The following ZC3H13 variants were observed in gnomAD, a reference collection of about 807,000 sequenced individuals.
ZC3H13 encodes zinc finger CCCH domain-containing protein 13.
In ZC3H13, 64 loss-of-function variants were observed where a neutral mutation model predicts 204.1. The observed-to-expected ratio is 0.31, with a 90% CI of 0.26 to 0.39. ZC3H13 has a LOEUF of 0.39. ZC3H13 is among the 10% of genes least tolerant of loss of function. ZC3H13 has a pLI of 1.00. For missense variants in ZC3H13, 1,833 were observed against 2,082.7 expected, an observed-to-expected ratio of 0.88 and a Z score of 2.33; for synonymous variants, 667 against 693.7, an observed-to-expected ratio of 0.96 and a Z score of 0.60.
rs1395262157 is a variant in ZC3H13, at chr13:45,956,973, G to C, written c.*154C>G. ...TAAAATCTTAAGTTGGCCAAAACTA[G>C]TGTCTCTAAAGATCAAAATTCTTCA... On this transcript the variant is annotated 3_prime_UTR_variant, in exon 19 of 19. Transcript: ENST00000679008. 2 of 630,064 alleles carry C rather than the reference G, an allele frequency of 3.2e-6. No homozygotes were observed. The highest frequency in any genetic ancestry group is 4.3e-5 in the Admixed American group (1 of 23,316). 39.0% of individuals were successfully genotyped at this position (630,064 alleles called of 1,614,324 possible). A position where few individuals can be genotyped will look rare whatever the true frequency, so the allele number is the denominator to read the frequency against.
intron 5 of ZC3H13, among the ~76,000 whole-genome samples, chr13:46,019,813 G>C (rs2042118523): frequency 6.6e-6 from 1 of 152,074 alleles, no homozygotes; most frequent in South Asian, 2.1e-4. Flanking sequence ...TCAAACTCCT[G>C]GGCTAAAGTG....
chr13:46,051,973 C>T (rs570960139), intron 1 of ZC3H13: 2 of 126,872 alleles, frequency 1.6e-5, no homozygotes, highest in South Asian at 5.0e-4. Context: ...TTCCCAGGAC[C>T]TAAATCGTTA....
intron 11 of ZC3H13, among the ~76,000 whole-genome samples, chr13:45,977,784 C>T (rs1462725954): frequency 1.3e-5 from 2 of 152,154 alleles, no homozygotes; most frequent in South Asian, 4.1e-4. Flanking sequence ...TTCCCAACAC[C>T]CTTAATATGT....
At chr13:45,991,035 C>T (rs1363854649) in intron 8 of ZC3H13, among the ~76,000 whole-genome samples, 1 of 152,148 alleles carries the variant, frequency 6.6e-6, no homozygotes, top group African/African-American at 2.4e-5. Flanking sequence ...CTCCTGGGCT[C>T]AAGCCATCAT....
intron 12 of ZC3H13, among the ~76,000 whole-genome samples, chr13:45,974,504 T>C (rs1952847296): frequency 6.6e-6 from 1 of 152,200 alleles, no homozygotes; most frequent in Admixed American, 6.5e-5. Flanking sequence ...TAAGTTCTTT[T>C]CTGGTTAAAA....
chr13:46,020,366 C>T (rs541554902), intron 5 of ZC3H13, 83 bp downstream of exon 5: 11 of 978,388 alleles, frequency 1.1e-5, no homozygotes, highest in African/African-American at 3.3e-5. Flanking sequence ...GGATCACAGT[C>T]GAAAGGTGTT....
chr13:45,973,258 G>A (rs1428784254), intron 12 of ZC3H13, among the ~76,000 whole-genome samples: 1 of 152,054 alleles, frequency 6.6e-6, no homozygotes, highest in African/African-American at 2.4e-5. Context: ...ACAGCAATTA[G>A]GCAAACGTTC....
intron 10 of ZC3H13, among the ~76,000 whole-genome samples, chr13:45,983,413 A>ATATATATATAT (rs1555277663): frequency 2.2e-4 from 7 of 31,136 alleles, no homozygotes; most frequent in East Asian, 1.2e-3. Context: ...ATATATATAT[A>ATATATATATAT]TTTTTTTTTT....
At chr13:46,045,751 G>T (rs1223225993) in intron 1 of ZC3H13, among the ~76,000 whole-genome samples, 6 of 152,238 alleles carry the variant, frequency 3.9e-5, no homozygotes, top group Non-Finnish European at 2.9e-5. Flanking sequence ...GGCTAGAATT[G>T]TACCTCTTCT....
intron 4 of ZC3H13, among the ~76,000 whole-genome samples, chr13:46,033,547 C>T (rs1169382015): frequency 6.6e-6 from 1 of 151,994 alleles, no homozygotes; most frequent in African/African-American, 2.4e-5. Flanking sequence ...TCCTGCAGTC[C>T]AAATCTGAAT....
chr13:45,974,150 G>A (rs1214755069), intron 12 of ZC3H13, among the ~76,000 whole-genome samples: 1 of 152,052 alleles, frequency 6.6e-6, no homozygotes, highest in East Asian at 1.9e-4. Context: ...TATCCCAGTT[G>A]GAGGCAAAAA....
intron 5 of ZC3H13, among the ~76,000 whole-genome samples, chr13:46,011,993 T>G (rs1320543619): frequency 2.6e-5 from 4 of 152,232 alleles, no homozygotes; most frequent in Non-Finnish European, 4.4e-5. Context: ...TTATATTACG[T>G]GTGCAACATT....
intron 4 of ZC3H13, among the ~76,000 whole-genome samples, chr13:46,029,284 A>G (rs2042728594): frequency 6.6e-6 from 1 of 152,232 alleles, no homozygotes; most frequent in Non-Finnish European, 1.5e-5. Context: ...GTATATATCT[A>G]TTTTAAAAAT....
intron 4 of ZC3H13, among the ~76,000 whole-genome samples, chr13:46,021,051 A>C (rs958468247): frequency 6.6e-6 from 1 of 152,014 alleles, no homozygotes; most frequent in African/African-American, 2.4e-5. Context: ...CAGACTTCTA[A>C]AAATAACTGA....
intron 10 of ZC3H13, among the ~76,000 whole-genome samples, chr13:45,983,909 T>C (rs1417693026): frequency 2.6e-5 from 4 of 152,168 alleles, no homozygotes; most frequent in Non-Finnish European, 5.9e-5. Flanking sequence ...CAAATGCCAA[T>C]TACCATTTCC....
chr13:45,961,617 A>C (rs994278577), intron 17 of ZC3H13, among the ~76,000 whole-genome samples: 1 of 151,486 alleles, frequency 6.6e-6, no homozygotes, highest in Non-Finnish European at 1.5e-5. Context: ...GTACAAAAAA[A>C]AAAAGAACGA....
At position 45,988,907 on chromosome 13, in the gene ZC3H13, A is replaced by C; in HGVS notation, c.1135T>G (p.Leu379Val). The C allele has an allele frequency of 6.2e-7, 1 of 1,614,176 alleles. No homozygotes were observed. The highest frequency in any genetic ancestry group is 8.5e-7 in the Non-Finnish European group (1 of 1,180,036). ...CTCTGCTTTCTCTGGGGAGACGACA[A>C]AGAATGTGAAGGATAAGGAGAGGCA... ...RSASPYPSHS[L>V]SSPQRKQSPP... The change falls in exon 9 of 19, where the codon TTG (leucine) becomes GTG (valine). Residue 379 changes from leucine to valine, a missense_variant. By Grantham distance (32) the Leu-to-Val change is conservative (BLOSUM62 1). This residue lies in a region of ZC3H13 where 1,574 missense variants were observed against 1,757.2 expected (regional missense o/e 0.90). Transcript: ENST00000679008.
intron 4 of ZC3H13, among the ~76,000 whole-genome samples, chr13:46,022,413 T>C (rs941101330): frequency 6.6e-6 from 1 of 151,968 alleles, no homozygotes. Context: ...TGTAACTTGT[T>C]TAGGTATGTT....
chr13:45,958,648 G>GTTTCTTTTTTT (rs1413203609), intron 18 of ZC3H13, among the ~76,000 whole-genome samples: 1 of 123,678 alleles, frequency 8.1e-6, no homozygotes, highest in African/African-American at 3.0e-5. Context: ...AAAAATCCCA[G>GTTTCTTTTTTT]TTTTTTTTTT....
Sources: allele counts gnomAD v4.1 joint callset (sites outside exome capture counted in the v4.1 genomes callset), GRCh38; gene constraint gnomAD v4.1.1; regional missense constraint gnomAD v4.1.1; transcripts MANE v1.5; gene names NCBI Gene and HGNC (gene_info 2026-07-23, HGNC 2026-07-21).